TTC6: variants seen among roughly 807,000 people sequenced by gnomAD.
The protein encoded by TTC6 is tetratricopeptide repeat protein 6.
Under a neutral mutation model 210.4 loss-of-function variants are expected in TTC6, and 172 were observed. That is an observed-to-expected ratio of 0.82 (90% CI 0.72 to 0.93). The LOEUF (loss-of-function observed/expected upper bound fraction) is 0.93, where lower values mean the gene tolerates loss of function less well. Ranked by LOEUF, TTC6 falls within the 40% of genes least tolerant of loss-of-function variation. The pLI, the probability that TTC6 is intolerant of heterozygous loss-of-function variation, is 0.00. For synonymous variants in TTC6, 804 were observed against 819.6 expected (o/e 0.98, Z 0.32); for missense variants, 2,414 against 2,318.1 (o/e 1.04, Z -0.85).
chr14:37,757,672 G>A (rs1297092069), intron 14 of TTC6, among the ~76,000 whole-genome samples: 1 of 152,048 alleles, frequency 6.6e-6, no homozygotes, highest in Non-Finnish European at 1.5e-5. Context: ...GGTTTTTCAT[G>A]TCTCTACCTC....
chr14:37,805,100 T>A (rs932499629), intron 21 of TTC6, among the ~76,000 whole-genome samples: 5 of 152,228 alleles, frequency 3.3e-5, no homozygotes, highest in African/African-American at 1.2e-4. Flanking sequence ...AGTAAAATAA[T>A]TTTATCACAG....
chr14:37,621,948 T>G, upstream of TTC6: 1 of 713,704 alleles, frequency 1.4e-6, no homozygotes, highest in Non-Finnish European at 2.2e-6. Context: ...GAGGTTCTCT[T>G]ATGAGAAGCT....
exon 31 of TTC6, chr14:37,842,353 T>C (rs999381515): frequency 1.4e-5 from 19 of 1,392,228 alleles, no homozygotes; most frequent in Non-Finnish European, 1.4e-5. Context: ...CGGAAACATA[T>C]TTGTTGTCTA....
chr14:37,622,046 A>G, upstream of TTC6: 1 of 1,493,300 alleles, frequency 6.7e-7, no homozygotes, highest in Non-Finnish European at 8.9e-7. Flanking sequence ...GGCTTACTTT[A>G]CAGGTCAAAT....
chr14:37,738,655 A>G (rs759440179), intron 9 of TTC6, 121 bp from the exon 12 acceptor site: 104 of 864,528 alleles, frequency 1.2e-4, no homozygotes, highest in Non-Finnish European at 1.5e-4. Flanking sequence ...ACTGATTTTT[A>G]AACTTTTAAA....
chr14:37,808,651 A>C (rs1490322079), intron 23 of TTC6, 82 bp from the exon 26 acceptor site: 6 of 735,578 alleles, frequency 8.2e-6, no homozygotes, highest in Non-Finnish European at 6.7e-6. Flanking sequence ...AAAAACTCTG[A>C]TAGAAACAAG....
chr14:37,674,110 T>C (rs1453993780), intron 1 of TTC6, among the ~76,000 whole-genome samples: 2 of 152,150 alleles, frequency 1.3e-5, no homozygotes, highest in Non-Finnish European at 2.9e-5. Flanking sequence ...TCAATTTTTA[T>C]GTCTCAGTCA....
chr14:37,785,493 C>G (rs893225305), intron 14 of TTC6, among the ~76,000 whole-genome samples: 1 of 152,148 alleles, frequency 6.6e-6, no homozygotes, highest in Non-Finnish European at 1.5e-5. Flanking sequence ...CTTCTCTATG[C>G]TGTTTATTCT....
At chr14:37,599,895 GC>G (rs2095612224) in intron 1 of TTC6, among the ~76,000 whole-genome samples, 1 of 152,134 alleles carries the variant, frequency 6.6e-6, no homozygotes, top group African/African-American at 2.4e-5. Context: ...CGCCGTTGTG[GC>G]CCCCGAGTTA....
intron 5 of TTC6, among the ~76,000 whole-genome samples, chr14:37,709,458 A>G (rs2095840920): frequency 6.6e-6 from 1 of 152,106 alleles, no homozygotes; most frequent in Admixed American, 6.6e-5. Context: ...AAATCATTTC[A>G]GTATGCACTA....
intron 5 of TTC6, among the ~76,000 whole-genome samples, chr14:37,713,378 A>G (rs1373300334): frequency 6.6e-6 from 1 of 152,190 alleles, no homozygotes; most frequent in African/African-American, 2.4e-5. Context: ...AGCTGGGACT[A>G]CAGGTGTGTG....
chr14:37,682,812 G>C (rs1355594417), exon 3 of TTC6: 1 of 1,535,636 alleles, frequency 6.5e-7, no homozygotes, highest in Non-Finnish European at 8.7e-7. Context: ...GATTGAACAA[G>C]AGGATATAGA....
At chr14:37,770,865 T>C (rs1055714878) in intron 14 of TTC6, among the ~76,000 whole-genome samples, 2 of 150,978 alleles carry the variant, frequency 1.3e-5, no homozygotes, top group African/African-American at 4.9e-5. Context: ...GCTGGTTATT[T>C]CGCTCATTAG....
rs796379218 is a variant in TTC6, at chr14:37,779,419, T to C, written c.3267-8049T>C. On this transcript the variant is annotated intron_variant, in intron 14 of 30. Transcript: ENST00000553443. ...AAGGATAAGTGCCCCTTGGCCATTA[T>C]ATACTTTTAGGTGGATCATTTAAAA... 3.3e-5 allele frequency among the ~76,000 whole-genome samples: 5 copies of C among 152,184 alleles called. No individual in the cohort carries two copies. The South Asian group carries it at 1.0e-3, about 32-fold the overall frequency.
At chr14:37,736,747 AGT>A (rs1184665717) in intron 8 of TTC6, among the ~76,000 whole-genome samples, 1 of 152,020 alleles carries the variant, frequency 6.6e-6, no homozygotes, top group Non-Finnish European at 1.5e-5. Context: ...TTCTCTCACT[AGT>A]GCCTAATATA....
intron 6 of TTC6, among the ~76,000 whole-genome samples, chr14:37,723,163 A>T (rs2095865126): frequency 6.6e-6 from 1 of 152,012 alleles, no homozygotes. Context: ...TTTTTTTAGA[A>T]CACTTTCTTA....
intron 2 of TTC6, among the ~76,000 whole-genome samples, chr14:37,615,975 T>G (rs1387642468): frequency 9.2e-5 from 14 of 152,238 alleles, no homozygotes; most frequent in Admixed American, 9.2e-4. Flanking sequence ...GTGAATGTTT[T>G]GTCATGTAGA....
At position 37,804,680 on chromosome 14, in the gene TTC6, G is replaced by A. The variant is rs771564580; in HGVS notation, c.4030G>A (p.Glu1344Lys). Residue 1344 changes from glutamate to lysine, a missense_variant and splice_region_variant, in exon 21 of 31, where the codon GAA becomes AAA. Physicochemically the swap from Glu to Lys is moderately conservative, Grantham distance 56 (BLOSUM62 1). Coordinates refer to ENST00000553443, the Ensembl canonical transcript of TTC6. Reference sequence around the variant, plus strand: ...CCTCCCTGCTTTTTTATCATTATAGGAAGCTGTGGAAGTGCTTAAGAAGGC... The same window carrying A: ...CCTCCCTGCTTTTTTATCATTATAGAAAGCTGTGGAAGTGCTTAAGAAGGC... 8 of 1,610,622 alleles carry A rather than the reference G, an allele frequency of 5.0e-6. No homozygotes were observed. The South Asian group carries it at 8.8e-5, about 18-fold the overall frequency.
intron 14 of TTC6, among the ~76,000 whole-genome samples, chr14:37,762,886 T>TC (rs1206231426): frequency 6.8e-6 from 1 of 147,646 alleles, no homozygotes; most frequent in African/African-American, 2.5e-5. Flanking sequence ...TCTTTTCTTT[T>TC]TTTTTTTTTT....
Sources: gnomAD v4.1 joint callset for allele counts (sites outside exome capture counted in the v4.1 genomes callset) on GRCh38, gnomAD v4.1.1 for gene constraint, MANE v1.5 for transcripts, NCBI Gene and HGNC (gene_info 2026-07-23, HGNC 2026-07-21) for gene names.